PHF2: variants seen among roughly 807,000 people sequenced by gnomAD.
PHF2 encodes PHD finger protein 2, also known as lysine-specific demethylase PHF2.
Under a neutral mutation model 120.5 loss-of-function variants are expected in PHF2, and 27 were observed. The observed-to-expected ratio is 0.22, with a 90% CI of 0.17 to 0.31. PHF2 has a LOEUF of 0.31. PHF2 is among the 10% of genes least tolerant of loss of function. The pLI is 1.00. For synonymous variants in PHF2, 568 were observed against 592.5 expected (o/e 0.96, Z 0.60); for missense variants, 1,024 against 1,434.8 (o/e 0.71, Z 4.63).
chr9:93,613,637 G>A (rs1057002508), intron 1 of PHF2, among the ~76,000 whole-genome samples: 5 of 148,996 alleles, frequency 3.4e-5, no homozygotes, highest in Admixed American at 6.8e-5. Context: ...ATAACTCACT[G>A]CAGCCTCAAA....
Position 93,645,692 on chromosome 9 carries a change from C to T in PHF2, c.363C>T (p.His121=), listed in dbSNP as rs371297871. 2.1e-5 allele frequency: 34 copies of T among 1,612,816 alleles called. No individual in the cohort carries two copies. Among genetic ancestry groups the T allele is most frequent in the East Asian group, 6.7e-5 (3 of 44,856 alleles). The change falls in exon 4 of 22, where the codon CAC becomes CAT. Residue 121 remains histidine, a synonymous_variant. Transcript: ENST00000359246. ...SQLTLGYMEE[H]GFTEPILVPK... ...TCACGCTGGGCTACATGGAGGAGCA[C>T]GGCTTCACCGAGCCCATCCTCGTCC... is the stretch of plus-strand genomic sequence containing the variant.
chr9:93,604,838 C>CT (rs34389956), intron 1 of PHF2, among the ~76,000 whole-genome samples: 20 of 151,692 alleles, frequency 1.3e-4, no homozygotes, highest in African/African-American at 3.4e-4. Flanking sequence ...AATTCTGAGC[C>CT]TTTTTTTTAG....
At chr9:93,622,836 G>C (rs1825846907) in intron 1 of PHF2, among the ~76,000 whole-genome samples, 1 of 152,158 alleles carries the variant, frequency 6.6e-6, no homozygotes, top group Admixed American at 6.5e-5. Flanking sequence ...CCTGCTAACT[G>C]AGCCCCGAGT....
intron 1 of PHF2, among the ~76,000 whole-genome samples, chr9:93,591,595 A>G (rs186218351): frequency 2.6e-5 from 4 of 152,184 alleles, no homozygotes; most frequent in African/African-American, 7.2e-5. Flanking sequence ...TTTCCCTTAC[A>G]CTGAATTTTT....
At position 93,656,523 on chromosome 9, in the gene PHF2, A is replaced by G; in HGVS notation, c.1075A>G (p.Ser359Gly). 4 of 1,613,886 alleles carry G rather than the reference A, an allele frequency of 2.5e-6. No homozygotes were observed. Among genetic ancestry groups the G allele is most frequent in the Non-Finnish European group, 3.4e-6 (4 of 1,179,904 alleles). Residue 359 changes from serine to glycine, a missense_variant, in exon 9 of 22, where the codon AGC becomes GGC. Coordinates refer to ENST00000359246, the MANE Select transcript of PHF2 (RefSeq NM_005392.4). The surrounding 1 kb of genome is among the most constrained non-coding windows in gnomAD (Gnocchi z 4.1). ...YEVERRLKLGSLTQFPNFETA... is the reference protein window; with the variant it reads ...YEVERRLKLGGLTQFPNFETA... ...AGTGGAAAGGAGGTTGAAACTGGGC[A>G]GCCTGACTCAGTTTCCCAACTTTGA...
chr9:93,585,425 A>T (rs988672945), intron 1 of PHF2, among the ~76,000 whole-genome samples: 4 of 152,186 alleles, frequency 2.6e-5, no homozygotes, highest in African/African-American at 9.7e-5. Context: ...TAGAGTAGGG[A>T]CAGCAAGCAC....
chr9:93,670,911 A>C, intron 17 of PHF2: 1 of 829,982 alleles, frequency 1.2e-6, no homozygotes, highest in Non-Finnish European at 1.5e-6. Flanking sequence ...CAGACAGGGC[A>C]AAGAGAAAGC....
In PHF2 at chr9:93,611,699, G is replaced by A. The variant is rs530616343; in HGVS notation, c.99-18271G>A. On this transcript the variant is annotated intron_variant, in intron 1 of 21. Coordinates refer to ENST00000359246, the MANE Select transcript of PHF2 (RefSeq NM_005392.4). ...CGCTTTTTTATTTTTATTTTTTGTG[G>A]AGATGGGGTCTTGCAATGTTGCCCA... Among the ~76,000 whole-genome samples, 15 of 152,036 alleles carry A rather than the reference G, an allele frequency of 9.9e-5. No homozygotes were observed. The East Asian group carries it at 2.7e-3, about 28-fold the overall frequency.
chr9:93,676,924 C>T lies in PHF2; in HGVS notation c.3163C>T (p.Pro1055Ser). Residue 1055 changes from proline to serine, a missense_variant, in exon 21 of 22, where the codon CCC (proline) becomes TCC (serine). This residue lies in a region of PHF2 where 677 missense variants were observed against 857.4 expected (regional missense o/e 0.79). Transcript: ENST00000359246. Reference protein sequence around the residue: ...APGVFLTQRRPSASSPNNNTA... With the variant: ...APGVFLTQRRSSASSPNNNTA... ...TGGGGTCTTTCTCACACAGAGGCGG[C>T]CCTCCGCATCGTCTCCAAACAACAA... 6.4e-7 allele frequency: 1 copy of T among 1,572,416 alleles called. No homozygotes were observed. The highest frequency in any genetic ancestry group is 8.6e-7 in the Non-Finnish European group (1 of 1,156,840).
At chr9:93,647,807 T>C (rs1463908197) in intron 4 of PHF2, among the ~76,000 whole-genome samples, 1 of 151,882 alleles carries the variant, frequency 6.6e-6, no homozygotes, top group African/African-American at 2.4e-5. Flanking sequence ...AAGAATCACC[T>C]GAATCCAGGA....
chr9:93,593,094 A>G lies in PHF2; in HGVS notation c.98+16223A>G, dbSNP rs866389072. 9.3e-3 allele frequency among the ~76,000 whole-genome samples: 1,072 copies of G among 114,780 alleles called. 10 individuals carry two copies. Among genetic ancestry groups the G allele is most frequent in the African/African-American group, 0.034 (1,002 of 29,570 alleles). 75.3% of individuals were successfully genotyped at this position (114,780 alleles called of 152,430 possible). The stretch of plus-strand genomic sequence containing the variant: ...TCTTGTCCTTTATGCCAAAAAAAAA[A>G]AAAAAAAAAAAAAAAAAGAAAAAAA... On this transcript the variant is annotated intron_variant, in intron 1 of 21. Coordinates refer to ENST00000359246, the MANE Select transcript of PHF2 (RefSeq NM_005392.4).
chr9:93,605,604 A>G (rs1825527973), intron 1 of PHF2, among the ~76,000 whole-genome samples: 3 of 152,140 alleles, frequency 2.0e-5, no homozygotes, highest in South Asian at 2.1e-4. Flanking sequence ...CATTCTGTCT[A>G]CTTTACTGTC....
intron 11 of PHF2, among the ~76,000 whole-genome samples, 192 bp from the exon 12 acceptor site, chr9:93,660,000 T>C (rs1049413222): frequency 6.6e-6 from 1 of 152,042 alleles, no homozygotes; most frequent in African/African-American, 2.4e-5. Flanking sequence ...ATGTCGCAGG[T>C]GTGAGTGTGT....
Position 93,632,865 on chromosome 9 carries a change from A to G in PHF2, c.184+2810A>G, listed in dbSNP as rs1197118026. 5.3e-5 allele frequency among the ~76,000 whole-genome samples: 8 copies of G among 152,370 alleles called. No individual in the cohort carries two copies. The East Asian group carries it at 9.6e-4, about 18-fold the overall frequency. On this transcript the variant is annotated intron_variant, in intron 2 of 21. Transcript: ENST00000359246. ...GAAGTATGTGTGCTCCATCAGGGACAAAGGTACACAGTTCTAGCACCTTCC... is the reference window on the plus strand; with the variant it reads ...GAAGTATGTGTGCTCCATCAGGGACGAAGGTACACAGTTCTAGCACCTTCC...
intron 11 of PHF2, 137 bp downstream of exon 11, chr9:93,659,737 C>T (rs1172897827): frequency 1.3e-6 from 1 of 759,176 alleles, no homozygotes; most frequent in Non-Finnish European, 2.2e-6. Flanking sequence ...GTCCTCCTTG[C>T]ACTTTCCTGG....
At chr9:93,670,486 A>T (rs1269816532) in intron 17 of PHF2, among the ~76,000 whole-genome samples, 1 of 152,208 alleles carries the variant, frequency 6.6e-6, no homozygotes, top group Non-Finnish European at 1.5e-5. Flanking sequence ...CTGGGCCTTG[A>T]CATTTATAAA....
At chr9:93,660,619 G>T (rs1431861736) in intron 12 of PHF2, 59 bp downstream of exon 12, 36 of 1,459,658 alleles carry the variant, frequency 2.5e-5, no homozygotes, top group Non-Finnish European at 3.1e-5. Context: ...AGCATCTCTT[G>T]TGGGCCAGTC....
At chr9:93,671,960 T>A (rs1418495808) in intron 17 of PHF2, among the ~76,000 whole-genome samples, 85 of 52,576 alleles carry the variant, frequency 1.6e-3, no homozygotes, top group South Asian at 3.3e-3. Flanking sequence ...GGGAGTAGGG[T>A]CAGGTGTAGA....
intron 1 of PHF2, among the ~76,000 whole-genome samples, chr9:93,623,019 G>A (rs1825850177): frequency 6.6e-6 from 1 of 152,198 alleles, no homozygotes; most frequent in Admixed American, 6.5e-5. Flanking sequence ...CCTGTCCTGT[G>A]CCTTCATCTG....
Sources: gnomAD v4.1 joint callset for allele counts (sites outside exome capture counted in the v4.1 genomes callset) on GRCh38, gnomAD v4.1.1 for gene constraint, gnomAD v4.1.1 regional missense constraint, Gnocchi (gnomAD v3.1) non-coding constraint, MANE v1.5 for transcripts, NCBI Gene and HGNC (gene_info 2026-07-23, HGNC 2026-07-21) for gene names.